The following SNX31 variants were observed in gnomAD, a reference collection of about 807,000 sequenced individuals.
SNX31 encodes the protein sorting nexin-31.
Under a neutral mutation model 65.4 loss-of-function variants are expected in SNX31, and 58 were observed. The ratio of observed to expected loss-of-function variants is 0.89; its 90% confidence interval spans 0.72 to 1.10. The LOEUF (loss-of-function observed/expected upper bound fraction) is 1.10. Among genes scored for constraint, SNX31 ranks in the 50% least tolerant of loss-of-function variants. The pLI, the probability that SNX31 is intolerant of heterozygous loss-of-function variation, is 0.00. For synonymous variants in SNX31, 181 were observed against 190.1 expected (o/e 0.95, Z 0.39); for missense variants, 523 against 529.7 (o/e 0.99, Z 0.12).
At chr8:100,631,033 C>T (rs981817844) in intron 3 of SNX31, among the ~76,000 whole-genome samples, 1 of 152,122 alleles carries the variant, frequency 6.6e-6, no homozygotes, top group East Asian at 1.9e-4. Context: ...GGTGATCTGC[C>T]TGCCTTGGCC....
intron 4 of SNX31, among the ~76,000 whole-genome samples, chr8:100,623,195 G>A (rs1167948545): frequency 1.3e-5 from 2 of 152,210 alleles, no homozygotes; most frequent in South Asian, 2.1e-4. Context: ...AAGCAGGCAT[G>A]TCTTACATGG....
Position 100,577,089 on chromosome 8 carries a change from T to A in SNX31, c.1171-14A>T, listed in dbSNP as rs748054423. 6.2e-7 allele frequency: 1 copy of A among 1,610,920 alleles called. No homozygotes were observed. The highest frequency in any genetic ancestry group is 2.2e-5 in the East Asian group (1 of 44,828). On this transcript the variant is annotated splice_polypyrimidine_tract_variant and intron_variant, in intron 12 of 13. Transcript: ENST00000311812. The stretch of plus-strand genomic sequence containing the variant: ...AACTTCAATCTGCTAGATAGATTAG[T>A]GAAATGTCAGTCAGCTCAGCCCAGA...
chr8:100,623,445 C>T (rs1817838273), intron 4 of SNX31, among the ~76,000 whole-genome samples: 1 of 152,194 alleles, frequency 6.6e-6, no homozygotes, highest in African/African-American at 2.4e-5. Flanking sequence ...CAGTGGAATT[C>T]TGACTCACAT....
intron 2 of SNX31, among the ~76,000 whole-genome samples, chr8:100,639,633 C>G (rs1819017920): frequency 7.0e-6 from 1 of 143,742 alleles, no homozygotes; most frequent in South Asian, 2.2e-4. Context: ...TAGATGACTA[C>G]ATATAGAAAT....
At chr8:100,644,593 A>G (rs1408497065) in intron 2 of SNX31, among the ~76,000 whole-genome samples, 1 of 152,214 alleles carries the variant, frequency 6.6e-6, no homozygotes, top group Non-Finnish European at 1.5e-5. Flanking sequence ...GCAGGTGAGG[A>G]TGACAGAGGG....
chr8:100,649,427 CTG>C lies in SNX31; in HGVS notation c.66+20_66+21del. 3.8e-6 allele frequency: 6 copies of C among 1,588,414 alleles called. No individual in the cohort carries two copies. The highest frequency in any genetic ancestry group is 5.1e-6 in the Non-Finnish European group (6 of 1,165,710). On this transcript the variant is annotated intron_variant, in intron 1 of 13. Coordinates refer to ENST00000311812, the MANE Select transcript of SNX31 (RefSeq NM_152628.4). Reference sequence around the variant, plus strand: ...GCCACCGGCCCCCTCCCTGCCCACCCTGACCCCAGCCCTGGGCGCACCACGTA... The same window carrying C: ...GCCACCGGCCCCCTCCCTGCCCACCCACCCCAGCCCTGGGCGCACCACGTA...
chr8:100,575,697 T>G lies in SNX31; in HGVS notation c.1227+1322A>C, dbSNP rs1812994296. ...CTGAGAATTTGAATTTCTAATAAGA[T>G]CCACGTGATACAGATGCTGTTGGTC... is the stretch of plus-strand genomic sequence containing the variant. On this transcript the variant is annotated intron_variant, in intron 13 of 13. Transcript: ENST00000311812. The surrounding 1 kb of genome is among the most constrained non-coding windows in gnomAD (Gnocchi z 5.1). Among the ~76,000 whole-genome samples the G allele has an allele frequency of 1.3e-5, 2 of 152,170 alleles. No homozygotes were observed. Among genetic ancestry groups the G allele is most frequent in the South Asian group, 4.1e-4 (2 of 4,822 alleles).
At chr8:100,661,934 C>T (rs1048718170) in intron 1 of SNX31, among the ~76,000 whole-genome samples, 7 of 152,150 alleles carry the variant, frequency 4.6e-5, no homozygotes, top group African/African-American at 7.2e-5. Flanking sequence ...AAACAATTCT[C>T]GTGCCTCAGC....
rs58496992 is a variant in SNX31 at position 100,635,554 on chromosome 8, T to TAAA, written c.256+340_256+342dup. ...CCATGCCCAGCCAGACTTCATCTCTTAAAAAAAAAAAAAAAAGGTATTTTT... is the reference window on the plus strand; with the variant it reads ...CCATGCCCAGCCAGACTTCATCTCTTAAAAAAAAAAAAAAAAAAAGGTATTTTT... On this transcript the variant is annotated intron_variant, in intron 3 of 13. Coordinates refer to ENST00000311812, the MANE Select transcript of SNX31 (RefSeq NM_152628.4). Among the ~76,000 whole-genome samples, 187 of 134,288 alleles carry TAAA rather than the reference T, an allele frequency of 1.4e-3. 1 individual carries two copies. Among genetic ancestry groups the TAAA allele is most frequent in the African/African-American group, 4.6e-3 (169 of 36,860 alleles). The allele number at this position is 134,288 out of a possible 152,430, so 88.1% of individuals were successfully genotyped here.
intron 2 of SNX31, among the ~76,000 whole-genome samples, chr8:100,642,281 C>G (rs998730562): frequency 6.6e-6 from 1 of 152,136 alleles, no homozygotes; most frequent in African/African-American, 2.4e-5. Context: ...TCTTTGCATG[C>G]AATTATTTCT....
intron 13 of SNX31, among the ~76,000 whole-genome samples, chr8:100,574,393 G>A (rs1387387314): frequency 2.6e-5 from 4 of 152,328 alleles, no homozygotes; most frequent in African/African-American, 9.6e-5. Context: ...CAACACTTTG[G>A]GAGGCCAAGG....
chr8:100,634,067 T>G (rs574142637), intron 3 of SNX31, among the ~76,000 whole-genome samples: 11 of 152,378 alleles, frequency 7.2e-5, no homozygotes, highest in African/African-American at 2.4e-4. Context: ...AAATATTATG[T>G]GTATACACTT....
chr8:100,633,959 A>T (rs572008907), intron 3 of SNX31, among the ~76,000 whole-genome samples: 1 of 152,374 alleles, frequency 6.6e-6, no homozygotes, highest in Admixed American at 6.5e-5. Flanking sequence ...AGGGATCTAT[A>T]TACACGCAAA....
intron 11 of SNX31, 103 bp from the exon 12 acceptor site, chr8:100,584,291 A>C: frequency 1.3e-6 from 1 of 762,764 alleles, no homozygotes. Flanking sequence ...CCCTCCAATA[A>C]CACAGATTCA....
chr8:100,618,071 A>G, intron 4 of SNX31: 1 of 985,368 alleles, frequency 1.0e-6, no homozygotes, highest in Non-Finnish European at 1.2e-6. Flanking sequence ...CGGCCTCCAC[A>G]CCATTTTTTA....
chr8:100,610,028 TC>T lies in SNX31; in HGVS notation c.612-1466del, dbSNP rs745554604. ...CTTCCAGCTCCCATGCGGCAAGACT[TC>T]CCTCTGGAAAGAGGGCAAGGCACCT... On this transcript the variant is annotated intron_variant, in intron 7 of 13. Coordinates refer to ENST00000311812, the MANE Select transcript of SNX31 (RefSeq NM_152628.4). The surrounding 1 kb of genome is among the most constrained non-coding windows in gnomAD (Gnocchi z 4.0). Among the ~76,000 whole-genome samples, 40 of 152,220 alleles carry T rather than the reference TC, an allele frequency of 2.6e-4. No homozygotes were observed. Among genetic ancestry groups the T allele is most frequent in the Admixed American group, 1.6e-3 (24 of 15,294 alleles).
rs759927540 is a variant in SNX31, at chr8:100,588,967, C to G, written c.991G>C (p.Asp331His). The G allele has an allele frequency of 1.2e-6, 2 of 1,612,804 alleles. No homozygotes were observed. The highest frequency in any genetic ancestry group is 2.7e-5 in the African/African-American group (2 of 74,844). ...AGAGTTCTCTGGGGCCCATCCGTAT[C>G]CAGCAGAGTTCCCTACAAAGGAAAA... ...WQVTFLGTLL[D>H]TDGPQRTLNQ... Residue 331 changes from aspartate (D) to histidine (H), a missense_variant, in exon 11 of 14, where the codon GAT becomes CAT. Physicochemically the swap from Asp to His is moderately conservative, Grantham distance 81. Coordinates refer to ENST00000311812, the MANE Select transcript of SNX31 (RefSeq NM_152628.4). The surrounding 1 kb of genome is among the most constrained non-coding windows in gnomAD (Gnocchi z 4.8).
intron 1 of SNX31, among the ~76,000 whole-genome samples, chr8:100,662,032 C>A (rs746785868): frequency 2.0e-5 from 3 of 152,158 alleles, no homozygotes; most frequent in Non-Finnish European, 2.9e-5. Flanking sequence ...GCCATGTTGG[C>A]CAGGCTGGTC....
At position 100,578,586 on chromosome 8, in the gene SNX31, G is replaced by T. The variant is rs948299102; in HGVS notation, c.1171-1511C>A. On this transcript the variant is annotated intron_variant, in intron 12 of 13. Transcript: ENST00000311812. The surrounding 1 kb of genome is among the most constrained non-coding windows in gnomAD (Gnocchi z 4.7). ...TTACCTTTCAACTATGGTTAACTTT[G>T]TTGTAAAATCAATTGCTTTAAGGAG... Among the ~76,000 whole-genome samples, 12 of 152,204 alleles carry T rather than the reference G, an allele frequency of 7.9e-5. No individual in the cohort carries two copies. Among genetic ancestry groups the T allele is most frequent in the Non-Finnish European group, 1.8e-4 (12 of 68,010 alleles).
Sources: allele counts gnomAD v4.1 joint callset (sites outside exome capture counted in the v4.1 genomes callset), GRCh38; gene constraint gnomAD v4.1.1; non-coding constraint Gnocchi (gnomAD v3.1); transcripts MANE v1.5; gene names NCBI Gene and HGNC (gene_info 2026-07-23, HGNC 2026-07-21).